The following USP36 variants were observed in gnomAD, a reference collection of about 807,000 sequenced individuals.
USP36 encodes ubiquitin specific peptidase 36.
Under a neutral mutation model 111.5 loss-of-function variants are expected in USP36, and 59 were observed. That is an observed-to-expected ratio of 0.53 (90% confidence interval 0.43 to 0.66). The LOEUF (loss-of-function observed/expected upper bound fraction) is 0.66. Ranked by LOEUF, USP36 falls within the 30% of genes least tolerant of loss-of-function variation. The pLI is 0.00. For missense variants in USP36, 1,488 were observed against 1,468.0 expected (o/e 1.01, Z -0.22); for synonymous variants, 628 against 581.0 (o/e 1.08, Z -1.16).
chr17:78,814,582 A>G, intron 10 of USP36, 30 bp from the exon 11 acceptor site: 1 of 1,604,352 alleles, frequency 6.2e-7, no homozygotes, highest in Non-Finnish European at 8.5e-7. Context: ...AAAGACAAAT[A>G]AAATTCACTT....
chr17:78,803,504 A>G lies in USP36; in HGVS notation c.2691T>C (p.Asn897=), dbSNP rs1567914367. 4 of 1,613,608 alleles carry G rather than the reference A, an allele frequency of 2.5e-6. No homozygotes were observed. The highest frequency in any genetic ancestry group is 3.4e-6 in the Non-Finnish European group (4 of 1,179,988). Residue 897 remains asparagine, a synonymous_variant, in exon 16 of 21, where the codon AAT becomes AAC. Coordinates refer to ENST00000449938, the MANE Select transcript of USP36 (RefSeq NM_001385174.1). The surrounding 1 kb of genome is among the most constrained non-coding windows in gnomAD (Gnocchi z 4.6). The stretch of plus-strand genomic sequence containing the variant: ...CCGTAACACATCCCACCTGCTGGCC[A>G]TTCACCTGTGGCTGTGTGCCATCTT... ...RQEDGTQPQV[N]GQQVGCVTDG... is the part of the protein sequence containing the mutation.
intron 14 of USP36, among the ~76,000 whole-genome samples, 192 bp downstream of exon 14, chr17:78,806,767 C>G (rs1367645259): frequency 6.6e-6 from 1 of 152,240 alleles, no homozygotes; most frequent in Admixed American, 6.5e-5. Flanking sequence ...TCTCAACACC[C>G]CATACTGCCT....
intron 2 of USP36, among the ~76,000 whole-genome samples, chr17:78,836,798 GACACAC>G (rs71365539): frequency 6.9e-6 from 1 of 145,814 alleles, no homozygotes; most frequent in African/African-American, 2.7e-5. Flanking sequence ...TACACACACG[GACACAC>G]ACACACACAC....
At chr17:78,792,995 T>C (rs1368129655), downstream of USP36, among the ~76,000 whole-genome samples, 1 of 151,960 alleles carries the variant, frequency 6.6e-6, no homozygotes, top group Non-Finnish European at 1.5e-5. Flanking sequence ...GGATTACAGG[T>C]GTGAGCCACC....
intron 18 of USP36, 108 bp from the exon 19 acceptor site, chr17:78,799,131 T>A: frequency 2.8e-6 from 3 of 1,081,208 alleles, no homozygotes; most frequent in Non-Finnish European, 4.2e-6. Flanking sequence ...TAGTCAACAA[T>A]TTTGAGTGCC....
At chr17:78,818,558 G>T in intron 10 of USP36, 109 bp downstream of exon 10, 1 of 915,022 alleles carries the variant, frequency 1.1e-6, no homozygotes, top group Non-Finnish European at 1.8e-6. Context: ...ACAGGGACAG[G>T]TACTGTGTAA....
In USP36 at chr17:78,812,933, C is replaced by T. The variant is rs368954783; in HGVS notation, c.1334G>A (p.Arg445His). 3.5e-5 allele frequency: 57 copies of T among 1,613,840 alleles called. No individual in the cohort carries two copies. The highest frequency in any genetic ancestry group is 3.3e-4 in the Middle Eastern group (2 of 6,034). Reference sequence around the variant, plus strand: ...GGAGTGATCTGGAATCACACTCGGGCGGCCGGGAAGGGAGGAGGAGCCTGT... The same window carrying T: ...GGAGTGATCTGGAATCACACTCGGGTGGCCGGGAAGGGAGGAGGAGCCTGT... ...SRTGSSSLPGRPSVIPDHSKK... is the reference protein window; with the variant it reads ...SRTGSSSLPGHPSVIPDHSKK... The change falls in exon 13 of 21, where the codon CGC (arginine) becomes CAC (histidine). Residue 445 changes from arginine to histidine, a missense_variant. Physicochemically the swap from Arg to His is conservative, Grantham distance 29. This residue lies in a region of USP36 where 1,073 missense variants were observed against 994.1 expected (regional missense o/e 1.08). Coordinates refer to ENST00000449938, the MANE Select transcript of USP36 (RefSeq NM_001385174.1).
rs1299032156 is a variant in USP36 at position 78,835,460 on chromosome 17, C to T, written c.295G>A (p.Ala99Thr). The change falls in exon 4 of 21, where the codon GCC becomes ACC. Residue 99 changes from alanine to threonine, a missense_variant. This residue lies in a region of USP36 where 219 missense variants were observed against 209.5 expected (regional missense o/e 1.05). Transcript: ENST00000449938. Reference protein sequence around the residue: ...TYESCGDGVPAPQKVLFPTER... With the variant: ...TYESCGDGVPTPQKVLFPTER... ...GTGGGGAAAAGCACTTTCTGCGGGGCTGGGACTCCGTCACCACAGCTCTCA... is the reference window on the plus strand; with the variant it reads ...GTGGGGAAAAGCACTTTCTGCGGGGTTGGGACTCCGTCACCACAGCTCTCA... 2 of 1,612,104 alleles carry T rather than the reference C, an allele frequency of 1.2e-6. No homozygotes were observed. Among genetic ancestry groups the T allele is most frequent in the East Asian group, 4.5e-5 (2 of 44,832 alleles).
At position 78,831,396 on chromosome 17, in the gene USP36, T is replaced by C. The variant is rs565819164; in HGVS notation, c.476-2389A>G. Reference sequence around the variant, plus strand: ...GGGAGGGTGAGGCGGGTGGAACACGTGAGGTCAAGAGTTCAAGACCAGCCT... The same window carrying C: ...GGGAGGGTGAGGCGGGTGGAACACGCGAGGTCAAGAGTTCAAGACCAGCCT... On this transcript the variant is annotated intron_variant, in intron 4 of 20. Coordinates refer to ENST00000449938, the MANE Select transcript of USP36 (RefSeq NM_001385174.1). 6.6e-5 allele frequency among the ~76,000 whole-genome samples: 10 copies of C among 151,790 alleles called. No homozygotes were observed. In the East Asian group the frequency reaches 1.6e-3, roughly 24 times the overall value.
chr17:78,807,852 T>C (rs891484586), intron 13 of USP36, among the ~76,000 whole-genome samples: 3 of 152,180 alleles, frequency 2.0e-5, no homozygotes, highest in African/African-American at 7.2e-5. Context: ...CACAGCCGTG[T>C]ACCACCACAC....
intron 11 of USP36, 40 bp from the exon 12 acceptor site, chr17:78,813,913 A>G: frequency 6.4e-7 from 1 of 1,561,680 alleles, no homozygotes; most frequent in Non-Finnish European, 8.8e-7. Context: ...AAAACAATCA[A>G]CAAGCATCCC....
At chr17:78,817,088 A>G (rs961133195) in intron 10 of USP36, among the ~76,000 whole-genome samples, 1 of 152,104 alleles carries the variant, frequency 6.6e-6, no homozygotes, top group African/African-American at 2.4e-5. Flanking sequence ...TACCTTCTCT[A>G]TGTTTAGATA....
At chr17:78,789,694 C>A (rs1256096905) in intron 3 of USP36, among the ~76,000 whole-genome samples, 1 of 152,184 alleles carries the variant, frequency 6.6e-6, no homozygotes, top group Non-Finnish European at 1.5e-5. Flanking sequence ...TTGATTGTAT[C>A]CAGCTGTCAC....
chr17:78,801,198 G>T (rs986823237), intron 17 of USP36, among the ~76,000 whole-genome samples: 3 of 151,890 alleles, frequency 2.0e-5, no homozygotes, highest in African/African-American at 7.3e-5. Context: ...GGATGGTCTC[G>T]ATCTCCTAAC....
chr17:78,814,663 A>G (rs1422198727), intron 10 of USP36, 111 bp from the exon 11 acceptor site: 3 of 1,362,922 alleles, frequency 2.2e-6, no homozygotes, highest in Non-Finnish European at 3.0e-6. Flanking sequence ...GGTCTTTAAC[A>G]ATTTGGGGGC....
intron 6 of USP36, among the ~76,000 whole-genome samples, chr17:78,822,831 C>T (rs2094362185): frequency 1.3e-5 from 2 of 152,184 alleles, no homozygotes; most frequent in Admixed American, 6.5e-5. Context: ...CCTAAGGCCT[C>T]CAGGCATGAG....
chr17:78,821,838 A>G, intron 7 of USP36, 99 bp downstream of exon 7: 1 of 1,390,230 alleles, frequency 7.2e-7, no homozygotes, highest in Non-Finnish European at 1.0e-6. Flanking sequence ...AGGTCTGCAC[A>G]GCGAAGAAAG....
At chr17:78,793,281 T>C (rs2093598387), downstream of USP36, among the ~76,000 whole-genome samples, 1 of 152,026 alleles carries the variant, frequency 6.6e-6, no homozygotes, top group African/African-American at 2.4e-5. Context: ...TGGGCACATA[T>C]GCAATGAGAG....
chr17:78,831,242 A>G (rs2068070506), intron 4 of USP36, among the ~76,000 whole-genome samples: 1 of 148,760 alleles, frequency 6.7e-6, no homozygotes, highest in Non-Finnish European at 1.5e-5. Flanking sequence ...AAAAAAAAAA[A>G]AAAAAAAAAA....
Sources: allele counts gnomAD v4.1 joint callset (sites outside exome capture counted in the v4.1 genomes callset), GRCh38; gene constraint gnomAD v4.1.1; regional missense constraint gnomAD v4.1.1; non-coding constraint Gnocchi (gnomAD v3.1); transcripts MANE v1.5; gene names NCBI Gene and HGNC (gene_info 2026-07-23, HGNC 2026-07-21).